CNIH3: variants seen among roughly 807,000 people sequenced by gnomAD.
CNIH3 encodes the protein cornichon family AMPA receptor auxiliary protein 3, also known as protein cornichon homolog 3.
A neutral mutation model predicts 24.1 loss-of-function variants in CNIH3; 14 were observed. The ratio of observed to expected loss-of-function variants is 0.58; its 90% CI spans 0.38 to 0.91. The LOEUF (loss-of-function observed/expected upper bound fraction) is 0.91, where lower values mean the gene tolerates loss of function less well. CNIH3 is among the 40% of genes least tolerant of loss of function. CNIH3 has a pLI of 0.00. For missense variants in CNIH3, 178 were observed against 196.8 expected, an observed-to-expected ratio of 0.90 and a Z score of 0.57; for synonymous variants, 68 against 73.8, an observed-to-expected ratio of 0.92 and a Z score of 0.40.
At chr1:224,564,033 C>T (rs982369973) in intron 3 of CNIH3, among the ~76,000 whole-genome samples, 1 of 152,178 alleles carries the variant, frequency 6.6e-6, no homozygotes, top group African/African-American at 2.4e-5. Flanking sequence ...TAGGTCCCCA[C>T]TTTGAAAAGA....
intron 2 of CNIH3, among the ~76,000 whole-genome samples, chr1:224,544,701 C>T (rs1217188790): frequency 6.6e-6 from 1 of 152,208 alleles, no homozygotes; most frequent in African/African-American, 2.4e-5. Flanking sequence ...GCTGATGGAA[C>T]TTGACTGCCC....
At chr1:224,626,618 G>T (rs576204306) in intron 1 of CNIH3, among the ~76,000 whole-genome samples, 3 of 152,262 alleles carry the variant, frequency 2.0e-5, no homozygotes, top group South Asian at 4.1e-4. Context: ...CTGCTCTAGG[G>T]CATGGGGATT....
At chr1:224,664,146 G>A (rs972779391) in intron 1 of CNIH3, among the ~76,000 whole-genome samples, 1 of 152,198 alleles carries the variant, frequency 6.6e-6, no homozygotes, top group Non-Finnish European at 1.5e-5. Context: ...GCAACCGCAT[G>A]CAGGAAAATG....
chr1:224,734,141 C>T (rs901011921), intron 4 of CNIH3, among the ~76,000 whole-genome samples: 3 of 152,164 alleles, frequency 2.0e-5, no homozygotes, highest in Admixed American at 6.5e-5. Flanking sequence ...TAGGATGTCC[C>T]GAAGTATTCA....
rs1572352438 is a variant in CNIH3 at position 224,491,596 on chromosome 1, C to CTTTATTTTTTATTTA, written n.204-24134_204-24120dup. Among the ~76,000 whole-genome samples the CTTTATTTTTTATTTA allele has an allele frequency of 2.0e-5, 3 of 151,866 alleles. No homozygotes were observed. In the East Asian group the frequency reaches 5.8e-4, roughly 29 times the overall value. ...TCTATTAAATAAATTCATTTATTTA[C>CTTTATTTTTTATTTA]TTTATTTTTTATTTATTTATTTTTT... On this transcript the variant is annotated intron_variant and non_coding_transcript_variant, in intron 1 of 5. Coordinates refer to the CNIH3 transcript ENST00000471578.
intron 1 of CNIH3, among the ~76,000 whole-genome samples, chr1:224,633,302 G>C (rs1297281307): frequency 1.3e-5 from 2 of 152,054 alleles, no homozygotes; most frequent in African/African-American, 4.8e-5. Context: ...GGGACCACAG[G>C]CACCCACCAC....
chr1:224,467,089 G>A (rs1212236959), intron 1 of CNIH3, among the ~76,000 whole-genome samples: 2 of 152,140 alleles, frequency 1.3e-5, no homozygotes, highest in East Asian at 3.9e-4. Context: ...GCAGTGGTGT[G>A]ATCATGGCTC....
chr1:224,507,829 T>C (rs964127171), intron 1 of CNIH3, among the ~76,000 whole-genome samples: 1 of 152,242 alleles, frequency 6.6e-6, no homozygotes, highest in African/African-American at 2.4e-5. Context: ...ATATTTACTA[T>C]GTGCAATGCA....
upstream of CNIH3, chr1:224,616,311 G>T (rs1197103108): frequency 1.1e-5 from 3 of 284,154 alleles, no homozygotes; most frequent in East Asian, 1.5e-4. Flanking sequence ...CACCGCTACA[G>T]TTCTCGCAGT....
rs184706930 is a variant in CNIH3 at position 224,604,090 on chromosome 1, A to G, written n.402+37826A>G. On this transcript the variant is annotated intron_variant and non_coding_transcript_variant, in intron 3 of 7. Transcript: ENST00000478120. This position sits in a 1 kb window ranked among gnomAD's most constrained non-coding sequence, Gnocchi z 4.4. ...TGATAAAAATGTGATGTATATACAC[A>G]ATGCTTTGTGATTAATAAGCACATG... Among the ~76,000 whole-genome samples the G allele has an allele frequency of 6.3e-4, 96 of 152,372 alleles. 2 individuals are homozygous for G. The highest frequency in any genetic ancestry group is 3.4e-3 in the Middle Eastern group (1 of 294).
chr1:224,460,325 C>T (rs1456558225), intron 1 of CNIH3, among the ~76,000 whole-genome samples: 2 of 152,140 alleles, frequency 1.3e-5, no homozygotes, highest in African/African-American at 4.8e-5. Context: ...GAAACTGTCA[C>T]CACAATCAAC....
chr1:224,723,024 G>T (rs554932293), intron 3 of CNIH3, among the ~76,000 whole-genome samples: 141 of 152,292 alleles, frequency 9.3e-4, no homozygotes, highest in African/African-American at 3.1e-3. Flanking sequence ...CCCTGCACAG[G>T]GTACAGCTGG....
chr1:224,739,452 G>A lies in CNIH3; in HGVS notation c.*96G>A. 1 of 1,573,598 alleles carries A rather than the reference G, an allele frequency of 6.4e-7. No homozygotes were observed. Among genetic ancestry groups the A allele is most frequent in the South Asian group, 1.2e-5 (1 of 84,120 alleles). ...GTGACTGGAGGAGGGACCAGAATGA[G>A]GATACGTGAGAAATAGACCCGGCAG... On this transcript the variant is annotated 3_prime_UTR_variant, in exon 6 of 6. Transcript: ENST00000272133.
At chr1:224,481,424 T>C (rs1445436803) in intron 1 of CNIH3, among the ~76,000 whole-genome samples, 1 of 152,180 alleles carries the variant, frequency 6.6e-6, no homozygotes, top group Non-Finnish European at 1.5e-5. Flanking sequence ...GACTTGAGTG[T>C]TGTGATCTAA....
intron 3 of CNIH3, among the ~76,000 whole-genome samples, chr1:224,603,295 A>T (rs1682283642): frequency 6.6e-6 from 1 of 152,190 alleles, no homozygotes; most frequent in Non-Finnish European, 1.5e-5. Context: ...TTCTTGCATG[A>T]CTCAATCAGC....
At chr1:224,541,136 A>T (rs1679495639), downstream of CNIH3, among the ~76,000 whole-genome samples, 1 of 152,216 alleles carries the variant, frequency 6.6e-6, no homozygotes, top group Non-Finnish European at 1.5e-5. Context: ...TCTGAAATTT[A>T]TTAAGAAAGG....
chr1:224,732,636 G>A (rs1689397540), intron 4 of CNIH3, among the ~76,000 whole-genome samples: 5 of 152,312 alleles, frequency 3.3e-5, no homozygotes, highest in Admixed American at 3.3e-4. Flanking sequence ...TGCCCCAGGG[G>A]CTGGCTCTTC....
intron 1 of CNIH3, among the ~76,000 whole-genome samples, chr1:224,493,148 CTTT>C (rs1189040533): frequency 6.6e-6 from 1 of 152,004 alleles, no homozygotes; most frequent in Non-Finnish European, 1.5e-5. Flanking sequence ...AATTTTCCTT[CTTT>C]TTATTTTTTG....
chr1:224,633,280 C>T (rs867535183), intron 1 of CNIH3, among the ~76,000 whole-genome samples: 3 of 152,034 alleles, frequency 2.0e-5, no homozygotes, highest in Non-Finnish European at 4.4e-5. Flanking sequence ...CGTCTCAGCC[C>T]GCCAAGTAGC....
Sources: allele counts gnomAD v4.1 joint callset (sites outside exome capture counted in the v4.1 genomes callset), GRCh38; gene constraint gnomAD v4.1.1; non-coding constraint Gnocchi (gnomAD v3.1); transcripts MANE v1.5; gene names NCBI Gene and HGNC (gene_info 2026-07-23, HGNC 2026-07-21).